GRM5: variants seen among roughly 807,000 people sequenced by gnomAD.
GRM5 encodes the protein glutamate metabotropic receptor 5.
Under a neutral mutation model 83.1 loss-of-function variants are expected in GRM5, and 19 were observed. The ratio of observed to expected loss-of-function variants is 0.23; its 90% CI spans 0.16 to 0.34. GRM5 has a LOEUF of 0.34. Among genes scored for constraint, GRM5 ranks in the 10% least tolerant of loss-of-function variants. GRM5 has a pLI of 1.00. For missense variants in GRM5, 1,160 were observed against 1,588.3 expected (o/e 0.73, Z 4.58); for synonymous variants, 675 against 633.6 (o/e 1.07, Z -0.98).
At chr11:88,813,641 G>C (rs1943622620) in intron 3 of GRM5, among the ~76,000 whole-genome samples, 1 of 152,052 alleles carries the variant, frequency 6.6e-6, no homozygotes, top group Non-Finnish European at 1.5e-5. Flanking sequence ...ATGAGAAAGT[G>C]AAACAGTTTC....
intron 2 of GRM5, among the ~76,000 whole-genome samples, chr11:88,898,715 C>T (rs1945272256): frequency 1.3e-5 from 2 of 151,904 alleles, no homozygotes; most frequent in African/African-American, 4.8e-5. Flanking sequence ...GTATTTATGT[C>T]TCTTTGGTGT....
chr11:88,943,381 A>C (rs902285526), intron 2 of GRM5, among the ~76,000 whole-genome samples: 8 of 152,070 alleles, frequency 5.3e-5, no homozygotes, highest in African/African-American at 1.9e-4. Flanking sequence ...AATCTTTTTC[A>C]GATAATCATT....
chr11:88,582,057 T>C (rs1943221732), intron 7 of GRM5, among the ~76,000 whole-genome samples: 1 of 152,218 alleles, frequency 6.6e-6, no homozygotes. Flanking sequence ...CATTTCTTCA[T>C]TTCCTCTCCT....
At chr11:88,903,123 G>A (rs1372589941) in intron 2 of GRM5, among the ~76,000 whole-genome samples, 4 of 152,092 alleles carry the variant, frequency 2.6e-5, no homozygotes, top group African/African-American at 9.7e-5. Context: ...GGATAGATCT[G>A]TAATTCTGTG....
At chr11:88,960,611 G>A (rs1938752408) in intron 2 of GRM5, among the ~76,000 whole-genome samples, 2 of 152,176 alleles carry the variant, frequency 1.3e-5, no homozygotes, top group Non-Finnish European at 2.9e-5. Flanking sequence ...AAGTGTGGAA[G>A]CAGGAAGATG....
At chr11:88,969,794 G>T (rs998635167) in intron 2 of GRM5, among the ~76,000 whole-genome samples, 1 of 151,942 alleles carries the variant, frequency 6.6e-6, no homozygotes, top group Non-Finnish European at 1.5e-5. Context: ...GCTAAATTTC[G>T]TGCACAGAAA....
intron 3 of GRM5, among the ~76,000 whole-genome samples, chr11:88,782,902 A>G (rs1185449787): frequency 1.3e-5 from 2 of 152,114 alleles, no homozygotes; most frequent in Non-Finnish European, 1.5e-5. Context: ...CTTCACAGAT[A>G]TTATTTACTT....
At chr11:88,571,728 A>T (rs1453760496) in intron 7 of GRM5, among the ~76,000 whole-genome samples, 2 of 152,174 alleles carry the variant, frequency 1.3e-5, no homozygotes, top group South Asian at 2.1e-4. Flanking sequence ...AATGCCTTAT[A>T]TGATAACTCC....
At position 88,567,530 on chromosome 11, in the gene GRM5, T is replaced by G; in HGVS notation, c.2153A>C (p.Asp718Ala). 6.2e-7 allele frequency: 1 copy of G among 1,613,776 alleles called. No individual in the cohort carries two copies. The highest frequency in any genetic ancestry group is 1.1e-5 in the South Asian group (1 of 91,078). The change falls in exon 8 of 10, where the codon GAC (aspartate) becomes GCC (alanine). Residue 718 changes from aspartate to alanine, a missense_variant. Physicochemically the swap from Asp to Ala is moderately radical, Grantham distance 126 (BLOSUM62 -2). Transcript: ENST00000305447. The surrounding 1 kb of genome is among the most constrained non-coding windows in gnomAD (Gnocchi z 7.3). ...AATGCTTGGGTAGTCATGCATTATG[T>G]CAGGAGGCTCCATTATAAAGAGGGC... is the stretch of plus-strand genomic sequence containing the variant. ...IVALFIMEPP[D>A]IMHDYPSIRE...
chr11:88,648,379 C>T (rs1193214350), intron 4 of GRM5, among the ~76,000 whole-genome samples: 2 of 144,798 alleles, frequency 1.4e-5, no homozygotes, highest in East Asian at 2.0e-4. Flanking sequence ...TGGAAATCAT[C>T]ATTCTCAGTA....
At chr11:88,851,093 G>T (rs1944382985) in intron 2 of GRM5, among the ~76,000 whole-genome samples, 1 of 152,066 alleles carries the variant, frequency 6.6e-6, no homozygotes, top group Non-Finnish European at 1.5e-5. Flanking sequence ...AATAGCATAG[G>T]TTCTGCTCCC....
intron 7 of GRM5, among the ~76,000 whole-genome samples, chr11:88,574,208 T>C (rs879884003): frequency 1.2e-4 from 18 of 152,192 alleles, no homozygotes; most frequent in Non-Finnish European, 2.4e-4. Context: ...ATGGTTAATA[T>C]AGCATTTTAC....
chr11:88,599,422 C>G lies in GRM5; in HGVS notation c.1395-2070G>C, dbSNP rs80015261. On this transcript the variant is annotated intron_variant, in intron 5 of 9. Transcript: ENST00000305447. ...AGGCAAACACAAAGATATTATCACT[C>G]ACAGCTTAAGCTGTGAAAATAGAAC... is the stretch of plus-strand genomic sequence containing the variant. Among the ~76,000 whole-genome samples, 1,470 of 152,262 alleles carry G rather than the reference C, an allele frequency of 9.7e-3. 17 individuals carry two copies. Among genetic ancestry groups the G allele is most frequent in the East Asian group, 0.065 (337 of 5,180 alleles).
At chr11:88,534,317 C>T (rs1942085107) in intron 8 of GRM5, among the ~76,000 whole-genome samples, 1 of 152,228 alleles carries the variant, frequency 6.6e-6, no homozygotes, top group Non-Finnish European at 1.5e-5. Context: ...CCTGTGAAAG[C>T]AGCTGAGAGG....
chr11:88,517,429 A>C (rs953703671), intron 9 of GRM5, among the ~76,000 whole-genome samples: 1 of 152,178 alleles, frequency 6.6e-6, no homozygotes, highest in African/African-American at 2.4e-5. Context: ...TGGCAAAAAA[A>C]GTTTTAAAAA....
chr11:89,048,075 G>GA lies in GRM5; in HGVS notation c.-200-4dup, dbSNP rs72379871. 77,359 of 393,910 alleles carry GA rather than the reference G, an allele frequency of 0.2. 2,660 individuals are homozygous for GA. Among genetic ancestry groups the GA allele is most frequent in the African/African-American group, 0.29 (13,580 of 47,430 alleles). 24.4% of individuals were successfully genotyped at this position (393,910 alleles called of 1,614,324 possible). ...CATGTGGTCATGATCTTCTAAACCT[G>GA]AAAAAAAAAAAATAACATGGGTCTT... On this transcript the variant is annotated splice_polypyrimidine_tract_variant and splice_region_variant and intron_variant, in intron 1 of 9. Transcript: ENST00000305447.
In GRM5 at chr11:88,508,795, C is replaced by T; in HGVS notation, c.3436G>A (p.Ala1146Thr). The change falls in exon 10 of 10, where the codon GCC (alanine) becomes ACC (threonine). Residue 1146 changes from alanine (A) to threonine (T), a missense_variant. Ala to Thr is a moderately conservative substitution (Grantham distance 58). Coordinates refer to ENST00000305447, the MANE Select transcript of GRM5 (RefSeq NM_001143831.3). This position sits in a 1 kb window ranked among gnomAD's most constrained non-coding sequence, Gnocchi z 4.2. ...TTGGCGGCCGCAGCCTCGGGACCGG[C>T]CGCGGGGCTCTCCCGGGCCGCGTCC... is the stretch of plus-strand genomic sequence containing the variant. ...AGDAARESPAAGPEAAAAKPD... is the reference protein window; with the variant it reads ...AGDAARESPATGPEAAAAKPD... 1 of 1,467,492 alleles carries T rather than the reference C, an allele frequency of 6.8e-7. No homozygotes were observed. The highest frequency in any genetic ancestry group is 9.0e-7 in the Non-Finnish European group (1 of 1,115,388). The allele number at this position is 1,467,492 out of a possible 1,614,324, so 90.9% of individuals were successfully genotyped here.
chr11:88,785,734 T>G (rs1235109120), intron 3 of GRM5, among the ~76,000 whole-genome samples: 1 of 152,084 alleles, frequency 6.6e-6, no homozygotes, highest in Non-Finnish European at 1.5e-5. Flanking sequence ...CCTCAAATTT[T>G]TATTGAACAT....
At chr11:88,954,246 G>A (rs894230887) in intron 2 of GRM5, among the ~76,000 whole-genome samples, 14 of 152,198 alleles carry the variant, frequency 9.2e-5, no homozygotes, top group African/African-American at 3.4e-4. Flanking sequence ...ACCTAAGATG[G>A]AAATGCTGCA....
Sources: allele counts gnomAD v4.1 joint callset (sites outside exome capture counted in the v4.1 genomes callset), GRCh38; gene constraint gnomAD v4.1.1; non-coding constraint Gnocchi (gnomAD v3.1); transcripts MANE v1.5; gene names NCBI Gene and HGNC (gene_info 2026-07-23, HGNC 2026-07-21).